SNTB2: variants seen among roughly 807,000 people sequenced by gnomAD.
SNTB2 encodes the protein beta-2-syntrophin.
Under a neutral mutation model 46.2 loss-of-function variants are expected in SNTB2, and 34 were observed. That is an observed-to-expected ratio of 0.74 (90% confidence interval 0.56 to 0.98). The LOEUF is 0.98. SNTB2 is among the 50% of genes least tolerant of loss of function. The pLI is 0.00. For missense variants in SNTB2, 603 were observed against 731.4 expected (o/e 0.82, Z 2.02); for synonymous variants, 290 against 312.6 (o/e 0.93, Z 0.76).
chr16:69,221,907 G>A (rs1401648384), intron 1 of SNTB2, among the ~76,000 whole-genome samples: 1 of 152,158 alleles, frequency 6.6e-6, no homozygotes, highest in Non-Finnish European at 1.5e-5. Flanking sequence ...TGGAACTCAG[G>A]TATGAGCTGA....
intron 2 of SNTB2, among the ~76,000 whole-genome samples, chr16:69,257,044 A>T (rs538060487): frequency 6.6e-6 from 1 of 151,948 alleles, no homozygotes; most frequent in African/African-American, 2.4e-5. Flanking sequence ...GGTGGCATGT[A>T]CCTGTAATCC....
At chr16:69,187,771 G>T in intron 1 of SNTB2, 25 bp downstream of exon 1, 2 of 1,185,836 alleles carry the variant, frequency 1.7e-6, no homozygotes, top group South Asian at 3.4e-5. Flanking sequence ...GCGGGAGGGT[G>T]GGCAGGCCGC....
intron 2 of SNTB2, among the ~76,000 whole-genome samples, chr16:69,249,857 G>A (rs1227313113): frequency 6.6e-6 from 1 of 152,150 alleles, no homozygotes; most frequent in Non-Finnish European, 1.5e-5. Context: ...CCAGCACTTT[G>A]AGAGGCCAAG....
chr16:69,265,393 T>C (rs900972653), intron 3 of SNTB2, among the ~76,000 whole-genome samples: 3 of 152,238 alleles, frequency 2.0e-5, no homozygotes, highest in Non-Finnish European at 2.9e-5. Context: ...ATTTACTTTT[T>C]GCTCTCCATT....
At chr16:69,265,726 C>T (rs1481905933) in intron 3 of SNTB2, among the ~76,000 whole-genome samples, 5 of 150,564 alleles carry the variant, frequency 3.3e-5, no homozygotes, top group South Asian at 4.2e-4. Flanking sequence ...ACTCAGGAGG[C>T]TGAGGCAGGA....
chr16:69,290,219 T>C (rs146457779), intron 5 of SNTB2, among the ~76,000 whole-genome samples: 1 of 152,320 alleles, frequency 6.6e-6, no homozygotes, highest in East Asian at 1.9e-4. Flanking sequence ...TGAGTAGGCA[T>C]AGAATGCAGC....
At chr16:69,282,723 G>A (rs949487133) in intron 4 of SNTB2, among the ~76,000 whole-genome samples, 1 of 142,914 alleles carries the variant, frequency 7.0e-6, no homozygotes, top group African/African-American at 2.6e-5. Context: ...ACCCATGAAC[G>A]TAAAATATCT....
intron 3 of SNTB2, among the ~76,000 whole-genome samples, chr16:69,269,390 A>ATG (rs1964916814): frequency 7.4e-6 from 1 of 135,740 alleles, no homozygotes; most frequent in Admixed American, 7.3e-5. Context: ...GGTGGCGTAC[A>ATG]CCTGTAGTCC....
intron 1 of SNTB2, among the ~76,000 whole-genome samples, chr16:69,243,447 G>C (rs1027975821): frequency 3.3e-5 from 5 of 152,178 alleles, no homozygotes; most frequent in South Asian, 4.1e-4. Flanking sequence ...GTATGTGTAT[G>C]TCTGTTTTTG....
chr16:69,221,884 A>G (rs1964408647), intron 1 of SNTB2, among the ~76,000 whole-genome samples: 1 of 152,222 alleles, frequency 6.6e-6, no homozygotes, highest in African/African-American at 2.4e-5. Context: ...ACCTGTCTCT[A>G]TTAGAAGACT....
In SNTB2 at chr16:69,301,027, G is replaced by T; in HGVS notation, c.*103G>T. The T allele has an allele frequency of 1.4e-6, 1 of 697,656 alleles. No individual in the cohort carries two copies. 43.2% of individuals were successfully genotyped at this position (697,656 alleles called of 1,614,324 possible). A position where few individuals can be genotyped will look rare whatever the true frequency, so the allele number is the denominator to read the frequency against. ...ACTCTTTGCTCTCCTTCAGCACAGT[G>T]CCTTCCCAAGGACCTGCAAATAACT... On this transcript the variant is annotated 3_prime_UTR_variant, in exon 7 of 7. Transcript: ENST00000336278.
chr16:69,261,218 A>C (rs1022748556), intron 3 of SNTB2, among the ~76,000 whole-genome samples: 2 of 151,996 alleles, frequency 1.3e-5, no homozygotes, highest in Non-Finnish European at 2.9e-5. Context: ...CAGAATCAGC[A>C]CAGGAAGGAT....
At chr16:69,267,987 G>T (rs1377145735) in intron 3 of SNTB2, among the ~76,000 whole-genome samples, 2 of 152,182 alleles carry the variant, frequency 1.3e-5, no homozygotes, top group Non-Finnish European at 2.9e-5. Context: ...TGTCTCCTGA[G>T]GAGGGAAAAG....
At chr16:69,254,323 C>A (rs536125813) in intron 2 of SNTB2, among the ~76,000 whole-genome samples, 1 of 152,182 alleles carries the variant, frequency 6.6e-6, no homozygotes, top group Non-Finnish European at 1.5e-5. Flanking sequence ...ACCGCTTCCC[C>A]GGCCTCTTAG....
intron 5 of SNTB2, among the ~76,000 whole-genome samples, chr16:69,286,279 G>T (rs1204662280): frequency 6.6e-6 from 1 of 152,212 alleles, no homozygotes; most frequent in Non-Finnish European, 1.5e-5. Flanking sequence ...ATTTAGTAGT[G>T]TAAGAACTAG....
chr16:69,306,459 T>C lies in SNTB2; in HGVS notation c.*5535T>C, dbSNP rs1019784361. ...GAGGATCCACATTTAATGTAAGGCA[T>C]AAATATGCCTTTTGCAAATTATTGC... On this transcript the variant is annotated 3_prime_UTR_variant, in exon 7 of 7. Coordinates refer to ENST00000336278, the MANE Select transcript of SNTB2 (RefSeq NM_006750.4). 6.6e-6 allele frequency: 1 copy of C among 152,270 alleles called. No homozygotes were observed. The highest frequency in any genetic ancestry group is 2.4e-5 in the African/African-American group (1 of 41,476). The allele number at this position is 152,270 out of a possible 1,614,324, so 9.4% of individuals were successfully genotyped here.
rs1965327894 is a variant in SNTB2 at position 69,307,915 on chromosome 16, T to C, written c.*6991T>C. ...CCTAAAGAAAATAAGGCTGACTGAA[T>C]GTTTTCCATAATTTTCACACAATAA... On this transcript the variant is annotated 3_prime_UTR_variant, in exon 7 of 7. Transcript: ENST00000336278. The C allele has an allele frequency of 6.6e-6, 1 of 152,198 alleles. No homozygotes were observed. The highest frequency in any genetic ancestry group is 1.5e-5 in the Non-Finnish European group (1 of 68,038). 9.4% of individuals were successfully genotyped at this position (152,198 alleles called of 1,614,324 possible). A position where few individuals can be genotyped will look rare whatever the true frequency, so the allele number is the denominator to read the frequency against.
At chr16:69,240,940 A>G (rs1310588598) in intron 1 of SNTB2, 2 of 152,202 alleles carry the variant, frequency 1.3e-5, no homozygotes, top group Non-Finnish European at 2.9e-5. Flanking sequence ...GGCTCACTGT[A>G]ACCTCTGCCT....
chr16:69,190,972 C>T (rs1224179633), intron 1 of SNTB2, among the ~76,000 whole-genome samples: 1 of 151,918 alleles, frequency 6.6e-6, no homozygotes. Context: ...AAGGTAGGAC[C>T]GGGTCACGAA....
Sources: gnomAD v4.1 joint callset for allele counts (sites outside exome capture counted in the v4.1 genomes callset) on GRCh38, gnomAD v4.1.1 for gene constraint, MANE v1.5 for transcripts, NCBI Gene and HGNC (gene_info 2026-07-23, HGNC 2026-07-21) for gene names.